NKAIN2: variants seen among roughly 807,000 people sequenced by gnomAD.
The protein encoded by NKAIN2 is sodium/potassium-transporting ATPase subunit beta-1-interacting protein 2.
Under a neutral mutation model 32.6 loss-of-function variants are expected in NKAIN2, and 14 were observed. That is an observed-to-expected ratio of 0.43 (90% CI 0.28 to 0.67). NKAIN2 has a LOEUF of 0.67. Ranked by LOEUF, NKAIN2 falls within the 30% of genes least tolerant of loss-of-function variation. The pLI is 0.17. For missense variants in NKAIN2, 198 were observed against 258.3 expected, an observed-to-expected ratio of 0.77 and a Z score of 1.60; for synonymous variants, 80 against 87.2, an observed-to-expected ratio of 0.92 and a Z score of 0.46.
chr6:123,816,936 C>T (rs952952616), intron 1 of NKAIN2, among the ~76,000 whole-genome samples: 9 of 152,058 alleles, frequency 5.9e-5, no homozygotes, highest in Non-Finnish European at 1.3e-4. Context: ...CATCATTGTA[C>T]ATTTTGGTTT....
chr6:124,532,853 T>A (rs1295777010), intron 3 of NKAIN2, among the ~76,000 whole-genome samples: 1 of 152,216 alleles, frequency 6.6e-6, no homozygotes, highest in African/African-American at 2.4e-5. Context: ...GTGTTCCTGC[T>A]GTTCCTCACC....
intron 1 of NKAIN2, among the ~76,000 whole-genome samples, chr6:124,089,617 A>G (rs1220599120): frequency 2.0e-5 from 3 of 151,932 alleles, no homozygotes; most frequent in African/African-American, 4.8e-5. Flanking sequence ...AAAGCACAAG[A>G]CTATTGCAGG....
intron 3 of NKAIN2, among the ~76,000 whole-genome samples, chr6:124,462,866 A>G (rs1776587500): frequency 6.6e-6 from 1 of 152,064 alleles, no homozygotes; most frequent in Non-Finnish European, 1.5e-5. Context: ...ATACTCTGAC[A>G]TATGATTGAA....
At chr6:123,933,307 T>G (rs1192547377) in intron 1 of NKAIN2, among the ~76,000 whole-genome samples, 2 of 152,218 alleles carry the variant, frequency 1.3e-5, no homozygotes, top group Admixed American at 6.5e-5. Context: ...ACTGTTCATC[T>G]CTATATTTTG....
intron 4 of NKAIN2, among the ~76,000 whole-genome samples, chr6:124,789,754 TA>T (rs1382646151): frequency 1.3e-5 from 2 of 152,144 alleles, no homozygotes; most frequent in Non-Finnish European, 2.9e-5. Flanking sequence ...GACTCTATTA[TA>T]TAAAGAAGTG....
At chr6:124,365,743 T>G (rs1799491211) in intron 3 of NKAIN2, among the ~76,000 whole-genome samples, 1 of 152,058 alleles carries the variant, frequency 6.6e-6, no homozygotes, top group Admixed American at 6.6e-5. Flanking sequence ...ATATAGAATA[T>G]TCAATCATAT....
chr6:123,930,527 G>A (rs1372546640), intron 1 of NKAIN2, among the ~76,000 whole-genome samples: 1 of 152,108 alleles, frequency 6.6e-6, no homozygotes, highest in African/African-American at 2.4e-5. Context: ...GACAACTAGT[G>A]AGATGAAAAA....
chr6:123,885,504 A>G (rs111808706), intron 1 of NKAIN2, among the ~76,000 whole-genome samples: 26 of 152,114 alleles, frequency 1.7e-4, no homozygotes, highest in African/African-American at 6.0e-4. Context: ...AAAAATTTTT[A>G]TATTGGAAAT....
At chr6:124,284,970 G>A (rs67952885) in intron 2 of NKAIN2, among the ~76,000 whole-genome samples, 4 of 151,938 alleles carry the variant, frequency 2.6e-5, no homozygotes, top group Non-Finnish European at 4.4e-5. Context: ...GAATAAAGAC[G>A]TACCACAGAT....
rs574444609 is a variant in NKAIN2, at chr6:124,374,058, T to G, written c.273+18711T>G. ...TAGTGAGACGGAGAAACTGATGGAG[T>G]GGGAGCAAAATTCTTGAGTAACTTA... On this transcript the variant is annotated intron_variant, in intron 3 of 6. Coordinates refer to ENST00000368417, the MANE Select transcript of NKAIN2 (RefSeq NM_001040214.3). Among the ~76,000 whole-genome samples, 14 of 151,940 alleles carry G rather than the reference T, an allele frequency of 9.2e-5. No individual in the cohort carries two copies. In the South Asian group the frequency reaches 2.9e-3, roughly 32 times the overall value.
chr6:124,178,499 G>A (rs1432630342), intron 1 of NKAIN2, among the ~76,000 whole-genome samples: 2 of 151,848 alleles, frequency 1.3e-5, no homozygotes, highest in East Asian at 1.9e-4. Flanking sequence ...GGGTTTCACC[G>A]TGTTAGCCAG....
rs56387941 is a variant in NKAIN2 at position 124,283,518 on chromosome 6, A to C, written c.192+376A>C. On this transcript the variant is annotated intron_variant, in intron 2 of 6. Transcript: ENST00000368417. ...ATTTTATACATTGAATAAAGAGTTT[A>C]AAATCAATAGGAATGAACATATACT... Among the ~76,000 whole-genome samples the C allele has an allele frequency of 6.2e-3, 950 of 152,354 alleles. 12 individuals carry two copies. Among genetic ancestry groups the C allele is most frequent in the African/African-American group, 0.022 (896 of 41,576 alleles).
At chr6:124,708,349 T>C (rs983271596) in intron 4 of NKAIN2, among the ~76,000 whole-genome samples, 1 of 151,746 alleles carries the variant, frequency 6.6e-6, no homozygotes, top group Non-Finnish European at 1.5e-5. Context: ...CCATATGAAC[T>C]TTAAAGTAGT....
At chr6:124,791,289 T>C (rs368821168) in intron 4 of NKAIN2, 50 bp from the exon 5 acceptor site, 11 of 1,406,512 alleles carry the variant, frequency 7.8e-6, no homozygotes, top group Non-Finnish European at 1.1e-5. Flanking sequence ...CAGTGAGGTC[T>C]GGTGTTGGTG....
intron 1 of NKAIN2, among the ~76,000 whole-genome samples, chr6:124,115,214 G>C (rs1052423750): frequency 1.3e-5 from 2 of 152,050 alleles, no homozygotes; most frequent in South Asian, 2.1e-4. Context: ...ACTTAGTAAA[G>C]CTTTGCCATT....
At chr6:124,383,252 C>T (rs773939941) in intron 3 of NKAIN2, among the ~76,000 whole-genome samples, 1 of 152,108 alleles carries the variant, frequency 6.6e-6, no homozygotes, top group Non-Finnish European at 1.5e-5. Context: ...CAATTATCAA[C>T]TCTTGGCTGA....
chr6:124,630,731 CTCTT>C (rs1389310094), intron 3 of NKAIN2, among the ~76,000 whole-genome samples: 1 of 151,994 alleles, frequency 6.6e-6, no homozygotes, highest in African/African-American at 2.4e-5. Flanking sequence ...TCATACATCT[CTCTT>C]TATGGAAAAT....
At chr6:124,759,173 C>G (rs565370454) in intron 4 of NKAIN2, among the ~76,000 whole-genome samples, 2 of 152,096 alleles carry the variant, frequency 1.3e-5, no homozygotes, top group Non-Finnish European at 2.9e-5. Context: ...CAGAACAGGG[C>G]CAGACACACG....
chr6:124,150,065 C>A (rs1287907775), intron 1 of NKAIN2, among the ~76,000 whole-genome samples: 1 of 152,098 alleles, frequency 6.6e-6, no homozygotes, highest in Admixed American at 6.6e-5. Context: ...TGTACCTATT[C>A]CTTGCGCTCT....
Sources: allele counts gnomAD v4.1 joint callset (sites outside exome capture counted in the v4.1 genomes callset), GRCh38; gene constraint gnomAD v4.1.1; transcripts MANE v1.5; gene names NCBI Gene and HGNC (gene_info 2026-07-23, HGNC 2026-07-21).